Variants in LCK observed in about 807,000 individuals in gnomAD.
LCK encodes the protein tyrosine-protein kinase Lck.
A neutral mutation model predicts 64.6 loss-of-function variants in LCK; 14 were observed. The observed-to-expected ratio is 0.22, with a 90% CI of 0.14 to 0.34. The LOEUF (loss-of-function observed/expected upper bound fraction) is 0.34, where lower values mean the gene tolerates loss of function less well. Among genes scored for constraint, LCK ranks in the 10% least tolerant of loss-of-function variants. LCK has a pLI of 1.00. For missense variants in LCK, 434 were observed against 668.1 expected, an observed-to-expected ratio of 0.65 and a Z score of 3.86; for synonymous variants, 277 against 263.6, an observed-to-expected ratio of 1.05 and a Z score of -0.49.
rs763681220 is a variant in LCK, at chr1:32,275,635, C to A, written c.444C>A (p.His148Gln). The change falls in exon 6 of 13, where the codon CAC becomes CAA. Residue 148 changes from histidine to glutamine, a missense_variant. By Grantham distance (24) the His-to-Gln change is conservative. This residue lies in a region of LCK where 233 missense variants were observed against 291.2 expected (regional missense o/e 0.80). Transcript: ENST00000336890. This position sits in a 1 kb window ranked among gnomAD's most constrained non-coding sequence, Gnocchi z 6.9. ...AGCTCCTGGCGCCCGGGAACACTCA[C>A]GGCTCCTTCCTCATCCGGGAGAGCG... ...ERQLLAPGNT[H>Q]GSFLIRESES... The A allele has an allele frequency of 2.7e-5, 43 of 1,571,034 alleles. 1 individual carries two copies. In the South Asian group the frequency reaches 4.5e-4, roughly 17 times the overall value.
intron 1 of LCK, among the ~76,000 whole-genome samples, chr1:32,264,187 G>A (rs1420287185): frequency 6.6e-6 from 1 of 152,098 alleles, no homozygotes; most frequent in Non-Finnish European, 1.5e-5. Flanking sequence ...CCAGGTAGAG[G>A]GGGGATTGTC....
At chr1:32,274,680 C>T in intron 2 of LCK, 57 bp from the exon 3 acceptor site, 1 of 1,379,514 alleles carries the variant, frequency 7.2e-7, no homozygotes, top group Non-Finnish European at 1.0e-6. Flanking sequence ...GGGAAGGGGG[C>T]CAGGGTCTGA....
intron 1 of LCK, among the ~76,000 whole-genome samples, chr1:32,254,653 C>T (rs1211571654): frequency 3.9e-5 from 6 of 152,188 alleles, no homozygotes; most frequent in Non-Finnish European, 8.8e-5. Flanking sequence ...GCTGGGATTA[C>T]AGGCATGGAC....
Position 32,275,324 on chromosome 1 carries a change from C to T in LCK, c.282C>T (p.Ser94=), listed in dbSNP as rs745911605. The change falls in exon 5 of 13, where the codon AGC becomes AGT. Residue 94 remains serine (S), a synonymous_variant. Coordinates refer to ENST00000336890, the MANE Select transcript of LCK (RefSeq NM_005356.5). The surrounding 1 kb of genome is among the most constrained non-coding windows in gnomAD (Gnocchi z 6.9). ...KGEQLRILEQ[S]GEWWKAQSLT... ...CTGACCCACCTCCGTGGCGCAGGAG[C>T]GGCGAGTGGTGGAAGGCGCAGTCCC... 29 of 1,614,072 alleles carry T rather than the reference C, an allele frequency of 1.8e-5. No homozygotes were observed. Among genetic ancestry groups the T allele is most frequent in the Non-Finnish European group, 2.4e-5 (28 of 1,179,970 alleles).
chr1:32,257,313 A>G (rs936357003), intron 1 of LCK, among the ~76,000 whole-genome samples: 1 of 151,414 alleles, frequency 6.6e-6, no homozygotes, highest in African/African-American at 2.4e-5. Context: ...TAGTGGCCCA[A>G]TCTTGGCTAA....
chr1:32,267,865 G>T (rs1314037763), intron 1 of LCK, among the ~76,000 whole-genome samples: 3 of 151,152 alleles, frequency 2.0e-5, no homozygotes, highest in Non-Finnish European at 2.9e-5. Context: ...TTGCACTCCA[G>T]CCTGGGCAAC....
chr1:32,266,428 G>T (rs1227182395), intron 1 of LCK, among the ~76,000 whole-genome samples: 10 of 149,442 alleles, frequency 6.7e-5, no homozygotes, highest in Non-Finnish European at 1.3e-4. Flanking sequence ...AACCCAGGAG[G>T]CAGAGCTTGC....
At position 32,279,662 on chromosome 1, in the gene LCK, T is replaced by C. The variant is rs748428158; in HGVS notation, c.965-9T>C. On this transcript the variant is annotated splice_polypyrimidine_tract_variant and intron_variant, in intron 9 of 12. Transcript: ENST00000336890. Reference sequence around the variant, plus strand: ...AACTTGGGCCAGCAACTCTTGCTTCTGCCCACAGGGAGTCTAGTGGATTTT... The same window carrying C: ...AACTTGGGCCAGCAACTCTTGCTTCCGCCCACAGGGAGTCTAGTGGATTTT... 4.4e-5 allele frequency: 71 copies of C among 1,614,010 alleles called. No homozygotes were observed. The highest frequency in any genetic ancestry group is 6.0e-5 in the Non-Finnish European group (71 of 1,179,878).
intron 1 of LCK, among the ~76,000 whole-genome samples, chr1:32,266,924 C>T (rs1639941350): frequency 6.8e-6 from 1 of 146,906 alleles, no homozygotes; most frequent in Non-Finnish European, 1.5e-5. Context: ...CTTTCTCTTG[C>T]CTTTTTCTAA....
At chr1:32,260,086 C>T (rs1255868591) in intron 1 of LCK, among the ~76,000 whole-genome samples, 2 of 151,250 alleles carry the variant, frequency 1.3e-5, no homozygotes, top group Non-Finnish European at 2.9e-5. Flanking sequence ...GCTCTGTCGC[C>T]ACGCTGGAGT....
At chr1:32,268,563 A>T (rs2124335096) in intron 1 of LCK, among the ~76,000 whole-genome samples, 1 of 152,078 alleles carries the variant, frequency 6.6e-6, no homozygotes, top group East Asian at 1.9e-4. Context: ...TACACATTGT[A>T]TGCCTCTATC....
intron 1 of LCK, among the ~76,000 whole-genome samples, chr1:32,264,296 A>G (rs1197540264): frequency 1.3e-5 from 2 of 152,064 alleles, no homozygotes; most frequent in African/African-American, 4.8e-5. Flanking sequence ...ACATTCTCCT[A>G]GACCTCTCAG....
chr1:32,283,022 T>G (rs1569976795), intron 12 of LCK, among the ~76,000 whole-genome samples: 2 of 151,582 alleles, frequency 1.3e-5, no homozygotes, highest in Non-Finnish European at 2.9e-5. Context: ...CCAGGCGTGG[T>G]GGGTCACGCC....
chr1:32,259,901 A>G (rs1467404244), intron 1 of LCK, among the ~76,000 whole-genome samples: 1 of 152,024 alleles, frequency 6.6e-6, no homozygotes, highest in African/African-American at 2.4e-5. Context: ...TGATATTGTC[A>G]TGAGGGTTCT....
At position 32,276,162 on chromosome 1, in the gene LCK, C is replaced by T. The variant is rs1640262433; in HGVS notation, c.631+99C>T. 2 of 1,494,248 alleles carry T rather than the reference C, an allele frequency of 1.3e-6. No individual in the cohort carries two copies. The highest frequency in any genetic ancestry group is 2.4e-5 in the South Asian group (2 of 82,916). The allele number at this position is 1,494,248 out of a possible 1,614,324, so 92.6% of individuals were successfully genotyped here. The stretch of plus-strand genomic sequence containing the variant: ...CCATCTTTCAATGCCCTACTCCATT[C>T]CCCGCAGTGGGTGAGGTGTGGAACC... On this transcript the variant is annotated intron_variant, in intron 7 of 12. Coordinates refer to ENST00000336890, the MANE Select transcript of LCK (RefSeq NM_005356.5). The surrounding 1 kb of genome is among the most constrained non-coding windows in gnomAD (Gnocchi z 4.6).
chr1:32,285,638 G>C lies in LCK; in HGVS notation c.1452G>C (p.Arg484=), dbSNP rs1640592509. The part of the protein sequence containing the change: ...RLCWKERPED[R]PTFDYLRSVL... ...GCTGGAAGGAGCGCCCAGAGGACCG[G>C]CCCACCTTTGACTACCTGCGCAGTG... is the stretch of plus-strand genomic sequence containing the variant. Residue 484 remains arginine (R), a synonymous_variant, in exon 13 of 13, where the codon CGG becomes CGC. Coordinates refer to ENST00000336890, the MANE Select transcript of LCK (RefSeq NM_005356.5). 4 of 1,614,186 alleles carry C rather than the reference G, an allele frequency of 2.5e-6. No individual in the cohort carries two copies. Among genetic ancestry groups the C allele is most frequent in the Middle Eastern group, 1.7e-4 (1 of 6,058 alleles).
chr1:32,275,732 G>A lies in LCK; in HGVS notation c.481+60G>A. 1 of 1,476,268 alleles carries A rather than the reference G, an allele frequency of 6.8e-7. No individual in the cohort carries two copies. The highest frequency in any genetic ancestry group is 2.4e-5 in the East Asian group (1 of 41,478). The allele number at this position is 1,476,268 out of a possible 1,614,324, so 91.4% of individuals were successfully genotyped here. A position where few individuals can be genotyped will look rare whatever the true frequency, so the allele number is the denominator to read the frequency against. ...TGCCCCGGGGTGTGCCCGAGGGGGG[G>A]CGCAGGGTGAGCCCGAGGTGGAGAC... On this transcript the variant is annotated intron_variant, in intron 6 of 12. Transcript: ENST00000336890. This position sits in a 1 kb window ranked among gnomAD's most constrained non-coding sequence, Gnocchi z 6.9.
chr1:32,285,545 G>A lies in LCK; in HGVS notation c.1359G>A (p.Leu453=). 1.2e-6 allele frequency: 2 copies of A among 1,614,208 alleles called. No homozygotes were observed. The highest frequency in any genetic ancestry group is 1.7e-6 in the Non-Finnish European group (2 of 1,180,034). Residue 453 remains leucine (L), a synonymous_variant, in exon 13 of 13, where the codon CTG becomes CTA. Coordinates refer to ENST00000336890, the MANE Select transcript of LCK (RefSeq NM_005356.5). ...CCAACCCGGAGGTGATTCAGAACCT[G>A]GAGCGAGGCTACCGCATGGTGCGCC... ...GMTNPEVIQN[L]ERGYRMVRPD...
At chr1:32,260,025 ATTTTAT>A (rs1007530265) in intron 1 of LCK, among the ~76,000 whole-genome samples, 1 of 151,418 alleles carries the variant, frequency 6.6e-6, no homozygotes, top group East Asian at 1.9e-4. Context: ...TTTTTTTTTA[ATTTTAT>A]TTTTATTTTT....
Sources: gnomAD v4.1 joint callset for allele counts (sites outside exome capture counted in the v4.1 genomes callset) on GRCh38, gnomAD v4.1.1 for gene constraint, gnomAD v4.1.1 regional missense constraint, Gnocchi (gnomAD v3.1) non-coding constraint, MANE v1.5 for transcripts, NCBI Gene and HGNC (gene_info 2026-07-23, HGNC 2026-07-21) for gene names.